The following SQLE variants were observed in gnomAD, a reference collection of about 807,000 sequenced individuals.
The protein encoded by SQLE is squalene epoxidase.
Under a neutral mutation model 60.7 loss-of-function variants are expected in SQLE, and 29 were observed. The observed-to-expected ratio is 0.48, with a 90% CI of 0.36 to 0.65. SQLE has a LOEUF of 0.65. Ranked by LOEUF, SQLE falls within the 30% of genes least tolerant of loss-of-function variation. The pLI, the probability that SQLE is intolerant of heterozygous loss-of-function variation, is 0.00. For missense variants in SQLE, 605 were observed against 684.1 expected (o/e 0.88, Z 1.29); for synonymous variants, 237 against 246.8 (o/e 0.96, Z 0.37).
At chr8:125,004,492 TATATGAATTTATCAGTTTTATC>T (rs1240000527) in intron 2 of SQLE, among the ~76,000 whole-genome samples, 1 of 152,082 alleles carries the variant, frequency 6.6e-6, no homozygotes, top group African/African-American at 2.4e-5. Flanking sequence ...TCACCAGTAG[TATATGAATTTATCAGTTTTATC>T]ATAATCTCAT....
Position 125,008,958 on chromosome 8 carries a change from A to C in SQLE, c.823-13A>C. On this transcript the variant is annotated splice_polypyrimidine_tract_variant and intron_variant, in intron 4 of 10. Coordinates refer to ENST00000265896, the MANE Select transcript of SQLE (RefSeq NM_003129.4). ...CTGACTACTAAACTGAGTAGTCTTC[A>C]TTTCTGTTATAGGAACTCCATGCTC... 1 of 1,531,706 alleles carries C rather than the reference A, an allele frequency of 6.5e-7. No homozygotes were observed. The highest frequency in any genetic ancestry group is 1.3e-5 in the South Asian group (1 of 77,618). The allele number at this position is 1,531,706 out of a possible 1,614,324, so 94.9% of individuals were successfully genotyped here.
chr8:125,009,141 T>C, intron 5 of SQLE, 31 bp from the exon 6 acceptor site: 1 of 1,572,888 alleles, frequency 6.4e-7, no homozygotes, highest in South Asian at 1.2e-5. Context: ...ATTTGAAAAT[T>C]ATTAAAACAT....
chr8:124,998,903 GGCCGCT>G lies in SQLE; in HGVS notation c.-498_-493del. 2.7e-6 allele frequency: 1 copy of G among 370,320 alleles called. No individual in the cohort carries two copies. Among genetic ancestry groups the G allele is most frequent in the South Asian group, 8.7e-5 (1 of 11,554 alleles). 22.9% of individuals were successfully genotyped at this position (370,320 alleles called of 1,614,324 possible). ...CCGGCCCGCAGCCCCCGTGCCTTCCGGCCGCTGCTCGCCGTCGCCAGAGGCTAGGCC... is the reference window on the plus strand; with the variant it reads ...CCGGCCCGCAGCCCCCGTGCCTTCCGGCTCGCCGTCGCCAGAGGCTAGGCC... On this transcript the variant is annotated 5_prime_UTR_variant, in exon 1 of 11. Transcript: ENST00000265896.
intron 9 of SQLE, among the ~76,000 whole-genome samples, chr8:125,019,606 G>C (rs1025017969): frequency 6.6e-6 from 1 of 152,082 alleles, no homozygotes; most frequent in African/African-American, 2.4e-5. Context: ...AAGAAATGGA[G>C]GAGAAAAGGC....
rs964007053 is a variant in SQLE at position 125,016,676 on chromosome 8, A to G, written c.1205-1383A>G. Among the ~76,000 whole-genome samples, 1 of 152,132 alleles carries G rather than the reference A, an allele frequency of 6.6e-6. No homozygotes were observed. Among genetic ancestry groups the G allele is most frequent in the Non-Finnish European group, 1.5e-5 (1 of 68,034 alleles). The stretch of plus-strand genomic sequence containing the variant: ...TTTTGATGACTGTGGATGTTCACCA[A>G]TGTCTGGGCATTGATGAGTTAGGTA... On this transcript the variant is annotated intron_variant, in intron 7 of 10. Transcript: ENST00000265896. This position sits in a 1 kb window ranked among gnomAD's most constrained non-coding sequence, Gnocchi z 4.1.
chr8:125,018,917 G>A (rs1185896600), intron 9 of SQLE, 190 bp downstream of exon 9: 1 of 543,622 alleles, frequency 1.8e-6, no homozygotes, highest in Non-Finnish European at 3.2e-6. Flanking sequence ...GAAGGTAGTG[G>A]AATTTCCTTA....
chr8:125,020,768 T>TA lies in SQLE; in HGVS notation c.1445-15dup, dbSNP rs1340709470. On this transcript the variant is annotated splice_polypyrimidine_tract_variant and intron_variant, in intron 9 of 10. Transcript: ENST00000265896. ...AGTGTGTACACATATTTGATTATTT[T>TA]ACAATTTTATTTTAGATTCCCTGCA... is the stretch of plus-strand genomic sequence containing the variant. 6.4e-7 allele frequency: 1 copy of TA among 1,558,024 alleles called. No individual in the cohort carries two copies.
At position 125,009,243 on chromosome 8, in the gene SQLE, G is replaced by T. The variant is rs1371496840; in HGVS notation, c.1008G>T (p.Gln336His). Residue 336 changes from glutamine (Q) to histidine (H), a missense_variant, in exon 6 of 11, where the codon CAG becomes CAT. Transcript: ENST00000265896. The part of the protein sequence containing the change: ...LANPSPVLIY[Q>H]ISSSETRVLV... ...ACCCGAGTCCAGTTCTCATCTACCA[G>T]ATTTCATCCAGTGAAACTCGAGTAC... The T allele has an allele frequency of 1.2e-6, 2 of 1,613,912 alleles. No homozygotes were observed. Among genetic ancestry groups the T allele is most frequent in the South Asian group, 1.1e-5 (1 of 91,064 alleles).
chr8:124,998,713 G>T lies in SQLE; in HGVS notation c.-691G>T. ...GCGGTGGGCGGCTCTGGGGGCCAGCGAAACGGGAGGCCTCTAAATCTTTAG... is the reference window on the plus strand; with the variant it reads ...GCGGTGGGCGGCTCTGGGGGCCAGCTAAACGGGAGGCCTCTAAATCTTTAG... On this transcript the variant is annotated 5_prime_UTR_variant, in exon 1 of 11. Transcript: ENST00000265896. 1.7e-6 allele frequency: 1 copy of T among 598,484 alleles called. No individual in the cohort carries two copies. The highest frequency in any genetic ancestry group is 1.8e-5 in the South Asian group (1 of 55,578). The allele number at this position is 598,484 out of a possible 1,614,324, so 37.1% of individuals were successfully genotyped here. A position where few individuals can be genotyped will look rare whatever the true frequency, so the allele number is the denominator to read the frequency against.
intron 9 of SQLE, among the ~76,000 whole-genome samples, chr8:125,019,337 C>T (rs1364217689): frequency 2.0e-5 from 3 of 151,828 alleles, no homozygotes; most frequent in Non-Finnish European, 4.4e-5. Flanking sequence ...GTAATCCCAG[C>T]ACTTCAGGAG....
In SQLE at chr8:125,003,380, T is replaced by C. The variant is rs1443538928; in HGVS notation, c.496T>C (p.Phe166Leu). ...AGAGCCTGACAGAATAGTTGGAGAA[T>C]TCCTGCAGCCGGGTGGTTATCATGT... ...LKEPDRIVGEFLQPGGYHVLK... is the reference protein window; with the variant it reads ...LKEPDRIVGELLQPGGYHVLK... The change falls in exon 2 of 11, where the codon TTC (phenylalanine) becomes CTC (leucine). Residue 166 changes from phenylalanine to leucine, a missense_variant. Coordinates refer to ENST00000265896, the MANE Select transcript of SQLE (RefSeq NM_003129.4). 1.2e-6 allele frequency: 2 copies of C among 1,613,880 alleles called. No homozygotes were observed. The highest frequency in any genetic ancestry group is 1.7e-6 in the Non-Finnish European group (2 of 1,179,894).
chr8:125,015,408 T>TGC (rs1322530580), intron 7 of SQLE, among the ~76,000 whole-genome samples: 4 of 152,340 alleles, frequency 2.6e-5, no homozygotes, highest in African/African-American at 9.6e-5. Flanking sequence ...TATTGGTAAG[T>TGC]GCGTACTATT....
intron 7 of SQLE, among the ~76,000 whole-genome samples, chr8:125,014,863 TGAG>T (rs993859068): frequency 2.0e-5 from 3 of 152,326 alleles, no homozygotes; most frequent in South Asian, 4.1e-4. Context: ...ATCGATTTGC[TGAG>T]GAGAAGAATG....
Position 124,999,600 on chromosome 8 carries a change from T to C in SQLE, c.197T>C (p.Phe66Ser), listed in dbSNP as rs771686527. 1.2e-6 allele frequency: 2 copies of C among 1,613,600 alleles called. No individual in the cohort carries two copies. Among genetic ancestry groups the C allele is most frequent in the Non-Finnish European group, 1.7e-6 (2 of 1,179,762 alleles). ...RQQSGSQFAL[F>S]SDILSGLPFI... The stretch of plus-strand genomic sequence containing the variant: ...CAGAGCGGCTCCCAGTTCGCCCTCT[T>C]CTCGGATATTCTCTCAGGCCTGCCT... Residue 66 changes from phenylalanine (F) to serine (S), a missense_variant, in exon 1 of 11, where the codon TTC becomes TCC. Transcript: ENST00000265896.
chr8:125,009,388 T>C, intron 6 of SQLE, 45 bp downstream of exon 6: 1 of 1,540,876 alleles, frequency 6.5e-7, no homozygotes, highest in East Asian at 2.3e-5. Flanking sequence ...GTGTCTAAAA[T>C]AGGCCAGAGA....
intron 9 of SQLE, among the ~76,000 whole-genome samples, chr8:125,020,278 T>TG: frequency 1.3e-5 from 2 of 152,308 alleles, no homozygotes; most frequent in Non-Finnish European, 2.9e-5. Context: ...GTTAAAAAGG[T>TG]TATCAATTGA....
In SQLE at chr8:125,022,253, G is replaced by A. The variant is rs1815223858; in HGVS notation, c.*308G>A. On this transcript the variant is annotated 3_prime_UTR_variant, in exon 11 of 11. Coordinates refer to ENST00000265896, the MANE Select transcript of SQLE (RefSeq NM_003129.4). ...TTGAATTTAGTATTTGAGATGAGTT[G>A]TTGGGACATGCAAATAAAATGAAGA... The A allele has an allele frequency of 5.6e-6, 1 of 177,908 alleles. No homozygotes were observed. The allele number at this position is 177,908 out of a possible 1,614,324, so 11.0% of individuals were successfully genotyped here.
chr8:125,006,349 G>A (rs1324966595), intron 3 of SQLE, among the ~76,000 whole-genome samples: 5 of 152,220 alleles, frequency 3.3e-5, no homozygotes, highest in South Asian at 4.1e-4. Flanking sequence ...GGCCAGGTGC[G>A]GTGGCTCATG....
At chr8:125,011,877 T>TTTTTTTCTTTTTTTTTTTTTTTTTGAG (rs1554587933) in intron 7 of SQLE, among the ~76,000 whole-genome samples, 1 of 149,334 alleles carries the variant, frequency 6.7e-6, no homozygotes, top group East Asian at 1.9e-4. Context: ...GGCAATTTTC[T>TTTTTTTCTTTTTTTTTTTTTTTTTGAG]ACTTAGGAAT....
Sources: allele counts gnomAD v4.1 joint callset (sites outside exome capture counted in the v4.1 genomes callset), GRCh38; gene constraint gnomAD v4.1.1; non-coding constraint Gnocchi (gnomAD v3.1); transcripts MANE v1.5; gene names NCBI Gene and HGNC (gene_info 2026-07-23, HGNC 2026-07-21).